IMMP2L: variants seen among roughly 807,000 people sequenced by gnomAD.
The protein encoded by IMMP2L is mitochondrial inner membrane protease subunit 2.
A neutral mutation model predicts 19.3 loss-of-function variants in IMMP2L; 18 were observed. The ratio of observed to expected loss-of-function variants is 0.93; its 90% CI spans 0.64 to 1.38. The LOEUF (loss-of-function observed/expected upper bound fraction) is 1.38. IMMP2L is among the 40% of genes most tolerant of loss of function. IMMP2L has a pLI of 0.00. For synonymous variants in IMMP2L, 76 were observed against 73.0 expected (o/e 1.04, Z -0.21); for missense variants, 233 against 218.2 (o/e 1.07, Z -0.43).
rs58224781 is a variant in IMMP2L, at chr7:110,727,390, CTAAATAAATAAATAAA to C, written c.409-63685_409-63670del. Among the ~76,000 whole-genome samples the C allele has an allele frequency of 6.8e-6, 1 of 147,424 alleles. No individual in the cohort carries two copies. Among genetic ancestry groups the C allele is most frequent in the Non-Finnish European group, 1.5e-5 (1 of 67,446 alleles). ...TGGATGACAGAGTGAGACTCTGTCT[CTAAATAAATAAATAAA>C]TAAATAAATAAATATTAAAAATCCT... On this transcript the variant is annotated intron_variant, in intron 5 of 5. Coordinates refer to ENST00000405709, the MANE Select transcript of IMMP2L (RefSeq NM_032549.4). This position sits in a 1 kb window ranked among gnomAD's most constrained non-coding sequence, Gnocchi z 4.3.
intron 5 of IMMP2L, among the ~76,000 whole-genome samples, chr7:110,885,828 A>G (rs1052638679): frequency 1.8e-4 from 27 of 151,158 alleles, no homozygotes; most frequent in Admixed American, 6.0e-4. Flanking sequence ...TACCAGGAGG[A>G]AAAAAAAACA....
intron 3 of IMMP2L, among the ~76,000 whole-genome samples, chr7:111,193,303 C>G (rs1809103774): frequency 6.6e-6 from 1 of 152,066 alleles, no homozygotes; most frequent in South Asian, 2.1e-4. Context: ...AGAAGGTATG[C>G]TCTTGACAGT....
chr7:111,260,382 C>T (rs1272596804), intron 3 of IMMP2L, among the ~76,000 whole-genome samples: 3 of 152,154 alleles, frequency 2.0e-5, no homozygotes, highest in Non-Finnish European at 2.9e-5. Context: ...TTAACTGAAA[C>T]ATCATTATGT....
At chr7:110,879,833 A>G (rs1158966628) in intron 5 of IMMP2L, among the ~76,000 whole-genome samples, 2 of 152,132 alleles carry the variant, frequency 1.3e-5, no homozygotes, top group Admixed American at 1.3e-4. Flanking sequence ...GACCTTTAGC[A>G]TAATGTCAAA....
At chr7:111,051,895 C>T (rs1476111423) in intron 3 of IMMP2L, among the ~76,000 whole-genome samples, 1 of 152,180 alleles carries the variant, frequency 6.6e-6, no homozygotes, top group African/African-American at 2.4e-5. Flanking sequence ...TGGACCTCTC[C>T]TTTTGGCCTA....
At chr7:111,231,862 T>C (rs1414747912) in intron 3 of IMMP2L, among the ~76,000 whole-genome samples, 1 of 152,020 alleles carries the variant, frequency 6.6e-6, no homozygotes, top group East Asian at 1.9e-4. Context: ...TATCATATGA[T>C]ACAACTGTCA....
intron 3 of IMMP2L, among the ~76,000 whole-genome samples, chr7:111,012,232 G>A (rs1825044242): frequency 6.6e-6 from 1 of 152,054 alleles, no homozygotes; most frequent in South Asian, 2.1e-4. Context: ...AGATGTCCAA[G>A]CACGAGTTTT....
chr7:111,400,243 A>G (rs1833292590), intron 3 of IMMP2L, among the ~76,000 whole-genome samples: 2 of 152,160 alleles, frequency 1.3e-5, no homozygotes. Flanking sequence ...TAAATAAATG[A>G]ATGAGTACAA....
intron 3 of IMMP2L, among the ~76,000 whole-genome samples, chr7:111,083,701 G>GT (rs1796075069): frequency 6.6e-6 from 1 of 152,154 alleles, no homozygotes; most frequent in Non-Finnish European, 1.5e-5. Flanking sequence ...TCACGGTACT[G>GT]TAAGAATGAA....
In IMMP2L at chr7:110,728,318, G is replaced by A. The variant is rs1796034610; in HGVS notation, c.409-64597C>T. ...GTTTGAAACCAGCCTGGGCAACATG[G>A]CAAAACCCTGTATCTATAAAATATA... is the stretch of plus-strand genomic sequence containing the variant. On this transcript the variant is annotated intron_variant, in intron 5 of 5. Coordinates refer to ENST00000405709, the MANE Select transcript of IMMP2L (RefSeq NM_032549.4). This position sits in a 1 kb window ranked among gnomAD's most constrained non-coding sequence, Gnocchi z 4.6. Among the ~76,000 whole-genome samples, 1 of 151,958 alleles carries A rather than the reference G, an allele frequency of 6.6e-6. No homozygotes were observed. The highest frequency in any genetic ancestry group is 1.5e-5 in the Non-Finnish European group (1 of 68,016).
intron 3 of IMMP2L, among the ~76,000 whole-genome samples, chr7:111,428,019 C>T (rs180823903): frequency 2.0e-5 from 3 of 151,834 alleles, no homozygotes; most frequent in Admixed American, 6.6e-5. Flanking sequence ...TTTCATGATA[C>T]GCTCCTGGTA....
chr7:110,780,596 C>A (rs1359773093), intron 5 of IMMP2L, among the ~76,000 whole-genome samples: 1 of 151,704 alleles, frequency 6.6e-6, no homozygotes, highest in Non-Finnish European at 1.5e-5. Flanking sequence ...CTCGCTATTA[C>A]CCCTTCCCCA....
intron 3 of IMMP2L, among the ~76,000 whole-genome samples, chr7:111,267,867 CATT>C (rs965094928): frequency 3.9e-5 from 6 of 152,090 alleles, no homozygotes; most frequent in African/African-American, 1.4e-4. Context: ...GTTCATGAGT[CATT>C]GTATAAAAAT....
At chr7:111,471,547 A>C (rs1247923449) in intron 3 of IMMP2L, among the ~76,000 whole-genome samples, 1 of 152,148 alleles carries the variant, frequency 6.6e-6, no homozygotes, top group Non-Finnish European at 1.5e-5. Flanking sequence ...TTAAGACCTT[A>C]TTTCGAAAAA....
chr7:111,491,605 A>C (rs1459878534), intron 2 of IMMP2L, among the ~76,000 whole-genome samples: 1 of 152,160 alleles, frequency 6.6e-6, no homozygotes, highest in Non-Finnish European at 1.5e-5. Context: ...GGCTTTACTG[A>C]GCCATGGTGC....
intron 5 of IMMP2L, among the ~76,000 whole-genome samples, chr7:110,846,490 C>T (rs762575960): frequency 4.6e-5 from 7 of 151,802 alleles, no homozygotes; most frequent in African/African-American, 7.3e-5. Context: ...CTTAGCCTCC[C>T]GAGTAGCTGG....
At chr7:110,996,574 G>A (rs1413536105) in intron 3 of IMMP2L, among the ~76,000 whole-genome samples, 2 of 152,044 alleles carry the variant, frequency 1.3e-5, no homozygotes, top group Admixed American at 6.6e-5. Context: ...CTGACTCAGG[G>A]ACCATATGAA....
intron 5 of IMMP2L, among the ~76,000 whole-genome samples, chr7:110,775,525 TA>T (rs1799326323): frequency 1.3e-5 from 2 of 152,172 alleles, no homozygotes; most frequent in South Asian, 4.1e-4. Flanking sequence ...ATGGAGGTTT[TA>T]TTTTGGTATT....
At chr7:111,152,126 TGAGG>T (rs1804145721) in intron 3 of IMMP2L, among the ~76,000 whole-genome samples, 1 of 152,048 alleles carries the variant, frequency 6.6e-6, no homozygotes, top group African/African-American at 2.4e-5. Flanking sequence ...AGAAAATCGG[TGAGG>T]TTATTGAAGC....
Sources: gnomAD v4.1 joint callset for allele counts (sites outside exome capture counted in the v4.1 genomes callset) on GRCh38, gnomAD v4.1.1 for gene constraint, Gnocchi (gnomAD v3.1) non-coding constraint, MANE v1.5 for transcripts, NCBI Gene and HGNC (gene_info 2026-07-23, HGNC 2026-07-21) for gene names.